Variants in CLSTN1 observed in about 807,000 individuals in gnomAD.
CLSTN1 encodes the protein calsyntenin 1.
A neutral mutation model predicts 108.3 loss-of-function variants in CLSTN1; 28 were observed. The ratio of observed to expected loss-of-function variants is 0.26; its 90% confidence interval spans 0.19 to 0.35. The LOEUF is 0.35. Among genes scored for constraint, CLSTN1 ranks in the 10% least tolerant of loss-of-function variants. The pLI is 1.00. For synonymous variants in CLSTN1, 524 were observed against 534.9 expected, an observed-to-expected ratio of 0.98 and a Z score of 0.28; for missense variants, 1,157 against 1,302.6, an observed-to-expected ratio of 0.89 and a Z score of 1.72.
At chr1:9,759,495 G>A (rs181589107) in intron 2 of CLSTN1, among the ~76,000 whole-genome samples, 92 of 152,336 alleles carry the variant, frequency 6.0e-4, no homozygotes, top group Middle Eastern at 3.4e-3. Context: ...CGTTAGCCAG[G>A]ATGGTCTTGA....
chr1:9,787,402 A>ATTTTTTTTT (rs70998310), intron 1 of CLSTN1, among the ~76,000 whole-genome samples: 2 of 136,598 alleles, frequency 1.5e-5, no homozygotes, highest in East Asian at 4.4e-4. Context: ...GAGCCTTCTA[A>ATTTTTTTTT]TTTTTTTTTT....
chr1:9,736,087 CA>C, intron 11 of CLSTN1, 45 bp from the exon 12 acceptor site: 1 of 1,611,744 alleles, frequency 6.2e-7, no homozygotes, highest in Non-Finnish European at 8.5e-7. Context: ...TGCAACCCAG[CA>C]TCGCCCAACT....
chr1:9,741,036 C>A, intron 10 of CLSTN1, 58 bp downstream of exon 10: 1 of 1,566,104 alleles, frequency 6.4e-7, no homozygotes, highest in South Asian at 1.1e-5. Context: ...CTGCCACCAA[C>A]CTAGTAAAGA....
intron 1 of CLSTN1, among the ~76,000 whole-genome samples, chr1:9,806,240 G>A (rs1336583361): frequency 6.6e-6 from 1 of 151,970 alleles, no homozygotes; most frequent in Non-Finnish European, 1.5e-5. Flanking sequence ...GAGGGGGGGA[G>A]GTTGCAGTGA....
chr1:9,772,803 G>C (rs974012624), intron 2 of CLSTN1, among the ~76,000 whole-genome samples: 1 of 152,292 alleles, frequency 6.6e-6, no homozygotes, highest in South Asian at 2.1e-4. Context: ...ACTTCTTCAA[G>C]TAAGTCTTCT....
intron 10 of CLSTN1, among the ~76,000 whole-genome samples, chr1:9,740,349 C>T (rs143287908): frequency 0.017 from 2,562 of 152,296 alleles, 74 homozygotes; most frequent in African/African-American, 0.055. Context: ...TGTGAGACAC[C>T]GCGCCTGGCC....
chr1:9,813,281 T>C (rs1352218890), intron 1 of CLSTN1, among the ~76,000 whole-genome samples: 1 of 151,954 alleles, frequency 6.6e-6, no homozygotes, highest in Non-Finnish European at 1.5e-5. Flanking sequence ...GTGAACTGCC[T>C]GAGCTCAGGA....
chr1:9,818,775 C>T (rs968902204), intron 1 of CLSTN1, among the ~76,000 whole-genome samples: 3 of 138,826 alleles, frequency 2.2e-5, no homozygotes, highest in Admixed American at 7.2e-5. Context: ...CTTCAAGCAA[C>T]TCTTTTTTTT....
chr1:9,760,404 T>C (rs1025885388), intron 2 of CLSTN1, among the ~76,000 whole-genome samples: 9 of 152,136 alleles, frequency 5.9e-5, no homozygotes, highest in Admixed American at 3.3e-4. Context: ...TGCTGAGCCA[T>C]CTGCAGGGTC....
rs1479561280 is a variant in CLSTN1, at chr1:9,751,699, G to T, written c.441-18C>A. 1.9e-6 allele frequency: 3 copies of T among 1,608,452 alleles called. No homozygotes were observed. Among genetic ancestry groups the T allele is most frequent in the Non-Finnish European group, 2.6e-6 (3 of 1,175,082 alleles). ...CAGTTGCTCTGGACAAAGGGAGGGAGAAAAATATTTTTCTGCTTGTTTTCA... is the reference window on the plus strand; with the variant it reads ...CAGTTGCTCTGGACAAAGGGAGGGATAAAAATATTTTTCTGCTTGTTTTCA... On this transcript the variant is annotated intron_variant, in intron 4 of 18. Coordinates refer to ENST00000377298, the MANE Select transcript of CLSTN1 (RefSeq NM_001009566.3).
chr1:9,787,876 T>C (rs1373641706), intron 1 of CLSTN1, among the ~76,000 whole-genome samples: 2 of 151,362 alleles, frequency 1.3e-5, no homozygotes, highest in Non-Finnish European at 2.9e-5. Context: ...ACTGAAACTC[T>C]GCACCCACTA....
intron 1 of CLSTN1, among the ~76,000 whole-genome samples, chr1:9,799,260 A>G (rs901832159): frequency 2.0e-5 from 3 of 152,028 alleles, no homozygotes; most frequent in African/African-American, 7.3e-5. Flanking sequence ...CAGAGCAGAA[A>G]CCTCCATGGG....
At chr1:9,793,889 T>G (rs1231052352) in intron 1 of CLSTN1, among the ~76,000 whole-genome samples, 1 of 151,562 alleles carries the variant, frequency 6.6e-6, no homozygotes, top group Non-Finnish European at 1.5e-5. Flanking sequence ...CTGTCCATGC[T>G]GCTACCAGCT....
chr1:9,735,450 T>TA lies in CLSTN1; in HGVS notation c.1883+16dup. 6.2e-7 allele frequency: 1 copy of TA among 1,614,210 alleles called. No homozygotes were observed. The highest frequency in any genetic ancestry group is 8.5e-7 in the Non-Finnish European group (1 of 1,180,024). ...TCATTGGGCAAAACAGGCCGGCTGT[T>TA]AAAAATCAGGACGTACTTGATTGTG... is the stretch of plus-strand genomic sequence containing the variant. On this transcript the variant is annotated intron_variant, in intron 13 of 18. Coordinates refer to ENST00000377298, the MANE Select transcript of CLSTN1 (RefSeq NM_001009566.3).
At chr1:9,822,902 C>G (rs564554698) in intron 1 of CLSTN1, among the ~76,000 whole-genome samples, 1 of 152,258 alleles carries the variant, frequency 6.6e-6, no homozygotes, top group Admixed American at 6.5e-5. Flanking sequence ...AGAAAAACAG[C>G]ACCAAGGCAC....
chr1:9,779,103 A>C (rs1031131487), intron 1 of CLSTN1, among the ~76,000 whole-genome samples: 3 of 151,942 alleles, frequency 2.0e-5, no homozygotes, highest in African/African-American at 4.8e-5. Flanking sequence ...TCCCTGGAGC[A>C]GCAGGGGGTC....
intron 9 of CLSTN1, among the ~76,000 whole-genome samples, chr1:9,741,581 G>C (rs571930337): frequency 1.3e-5 from 2 of 152,264 alleles, no homozygotes; most frequent in East Asian, 1.9e-4. Context: ...GGTTGAGTTA[G>C]TTTACCACTG....
In CLSTN1 at chr1:9,730,448, G is replaced by A; in HGVS notation, c.*60C>T. 1 of 1,493,780 alleles carries A rather than the reference G, an allele frequency of 6.7e-7. No individual in the cohort carries two copies. The highest frequency in any genetic ancestry group is 9.2e-7 in the Non-Finnish European group (1 of 1,085,522). 92.5% of individuals were successfully genotyped at this position (1,493,780 alleles called of 1,614,324 possible). ...TTGTACATCGTGGACCCTTGGGACTGGGAGAACGGATGGCAGCAGAGTCTT... is the reference window on the plus strand; with the variant it reads ...TTGTACATCGTGGACCCTTGGGACTAGGAGAACGGATGGCAGCAGAGTCTT... On this transcript the variant is annotated 3_prime_UTR_variant, in exon 19 of 19. Transcript: ENST00000377298. This position sits in a 1 kb window ranked among gnomAD's most constrained non-coding sequence, Gnocchi z 5.6.
At chr1:9,744,902 C>T (rs1390400745) in intron 7 of CLSTN1, among the ~76,000 whole-genome samples, 1 of 152,040 alleles carries the variant, frequency 6.6e-6, no homozygotes, top group Non-Finnish European at 1.5e-5. Context: ...TACAGGCGCG[C>T]CCCATTAAAA....
Sources: gnomAD v4.1 joint callset for allele counts (sites outside exome capture counted in the v4.1 genomes callset) on GRCh38, gnomAD v4.1.1 for gene constraint, Gnocchi (gnomAD v3.1) non-coding constraint, MANE v1.5 for transcripts, NCBI Gene and HGNC (gene_info 2026-07-23, HGNC 2026-07-21) for gene names.